The following VWA8 variants were observed in gnomAD, a reference collection of about 807,000 sequenced individuals.
VWA8 encodes von Willebrand factor A domain containing 8, also known as von Willebrand factor A domain-containing protein 8.
In VWA8, 221 loss-of-function variants were observed where a neutral mutation model predicts 241.5. That is an observed-to-expected ratio of 0.91 (90% CI 0.82 to 1.02). VWA8 has a LOEUF of 1.02. VWA8 is among the 50% of genes least tolerant of loss of function. The pLI is 0.00. For synonymous variants in VWA8, 852 were observed against 827.1 expected, an observed-to-expected ratio of 1.03 and a Z score of -0.52; for missense variants, 2,322 against 2,328.7, an observed-to-expected ratio of 1.00 and a Z score of 0.06.
In VWA8 at chr13:41,961,109, G is replaced by C; in HGVS notation, c.-94C>G. On this transcript the variant is annotated 5_prime_UTR_variant, in exon 1 of 45. Coordinates refer to ENST00000379310, the MANE Select transcript of VWA8 (RefSeq NM_015058.2). ...TGAGGCAGCGCGGAGAAGGGGACAG[G>C]AAGCGGCACCTAGCCGAGTCCGCCG... is the stretch of plus-strand genomic sequence containing the variant. The C allele has an allele frequency of 8.2e-7, 1 of 1,221,950 alleles. No individual in the cohort carries two copies. Among genetic ancestry groups the C allele is most frequent in the Non-Finnish European group, 1.1e-6 (1 of 943,558 alleles). 75.7% of individuals were successfully genotyped at this position (1,221,950 alleles called of 1,614,324 possible).
At chr13:41,750,674 C>T (rs963146233) in intron 21 of VWA8, among the ~76,000 whole-genome samples, 1 of 152,030 alleles carries the variant, frequency 6.6e-6, no homozygotes, top group Non-Finnish European at 1.5e-5. Context: ...AGAAACCAAG[C>T]CTGAAGATGC....
intron 4 of VWA8, 65 bp from the exon 5 acceptor site, chr13:41,891,652 C>T: frequency 6.5e-7 from 1 of 1,547,796 alleles, no homozygotes; most frequent in Middle Eastern, 1.7e-4. Context: ...CCTAACATTA[C>T]TTGTAATTCA....
chr13:41,575,849 G>C lies in VWA8; in HGVS notation c.5272-11C>G, dbSNP rs760650728. On this transcript the variant is annotated splice_polypyrimidine_tract_variant and intron_variant, in intron 42 of 44. Transcript: ENST00000379310. The stretch of plus-strand genomic sequence containing the variant: ...TCCAACGATGTCATACTACATGCAA[G>C]AGAACCAGAAAGTTATAAACTTTTC... 17 of 1,593,208 alleles carry C rather than the reference G, an allele frequency of 1.1e-5. No individual in the cohort carries two copies. The highest frequency in any genetic ancestry group is 1.7e-4 in the Middle Eastern group (1 of 6,030).
chr13:41,794,374 G>A (rs952803513), intron 17 of VWA8, among the ~76,000 whole-genome samples: 1 of 151,978 alleles, frequency 6.6e-6, no homozygotes, highest in Non-Finnish European at 1.5e-5. Context: ...GTATTCCTAG[G>A]TGTTTTGTTC....
chr13:41,935,760 G>A (rs1031439627), intron 2 of VWA8, among the ~76,000 whole-genome samples: 2 of 150,868 alleles, frequency 1.3e-5, no homozygotes, highest in Admixed American at 6.7e-5. Context: ...CAAATTGTTC[G>A]AGGTTTTTTT....
intron 12 of VWA8, among the ~76,000 whole-genome samples, chr13:41,864,207 A>G (rs1385644353): frequency 1.3e-5 from 2 of 152,068 alleles, no homozygotes; most frequent in Non-Finnish European, 2.9e-5. Context: ...ACCATTGTGC[A>G]TTGTTGGTGG....
chr13:41,711,803 G>C (rs2045319762), intron 26 of VWA8, among the ~76,000 whole-genome samples: 1 of 152,052 alleles, frequency 6.6e-6, no homozygotes, highest in Non-Finnish European at 1.5e-5. Flanking sequence ...GAACCTGGGA[G>C]GCGGAGCTTA....
intron 12 of VWA8, among the ~76,000 whole-genome samples, chr13:41,864,288 A>G (rs770317677): frequency 1.3e-5 from 2 of 152,184 alleles, no homozygotes; most frequent in Non-Finnish European, 2.9e-5. Context: ...CAGAATTACC[A>G]TATGATCCAA....
chr13:41,731,317 T>C (rs892946257), intron 22 of VWA8, among the ~76,000 whole-genome samples: 1 of 152,084 alleles, frequency 6.6e-6, no homozygotes, highest in African/African-American at 2.4e-5. Context: ...GTGTAGGAAG[T>C]TGAGGACTGG....
intron 29 of VWA8, among the ~76,000 whole-genome samples, chr13:41,693,817 A>T (rs762491236): frequency 6.6e-6 from 1 of 152,066 alleles, no homozygotes; most frequent in Non-Finnish European, 1.5e-5. Flanking sequence ...GTTAAAATAT[A>T]AAGAATTTTG....
rs532296102 is a variant in VWA8 at position 41,869,631 on chromosome 13, CAAAAAAAAAAAAAA to C, written c.1081-1168_1081-1155del. On this transcript the variant is annotated intron_variant, in intron 9 of 44. Transcript: ENST00000379310. ...GGGCAACAGAGCGAAAACTTTGTCT[CAAAAAAAAAAAAAA>C]AAAAAAAAAAAAAAAGGCTAGAACC... Among the ~76,000 whole-genome samples, 55 of 40,302 alleles carry C rather than the reference CAAAAAAAAAAAAAA, an allele frequency of 1.4e-3. 1 individual carries two copies. The highest frequency in any genetic ancestry group is 1.6e-3 in the Non-Finnish European group (39 of 24,010). The allele number at this position is 40,302 out of a possible 152,430, so 26.4% of individuals were successfully genotyped here.
chr13:41,772,442 AAAAAC>A (rs1401512167), intron 20 of VWA8, among the ~76,000 whole-genome samples: 1 of 126,300 alleles, frequency 7.9e-6, no homozygotes, highest in Non-Finnish European at 1.7e-5. Context: ...ACTGTGACAA[AAAAAC>A]AAAACAAAAC....
intron 37 of VWA8, among the ~76,000 whole-genome samples, chr13:41,620,432 A>G (rs1252798952): frequency 6.6e-6 from 1 of 152,024 alleles, no homozygotes; most frequent in Non-Finnish European, 1.5e-5. Context: ...TCCTGGATTC[A>G]TTGATTTTTT....
Position 41,844,796 on chromosome 13 carries a change from C to CAA in VWA8, c.1426-11267_1426-11266dup, listed in dbSNP as rs58119854. On this transcript the variant is annotated intron_variant, in intron 12 of 44. Transcript: ENST00000379310. ...ACACATTCCTATTTACAATAGCTGC[C>CAA]AAAAAAAAAAAGTTAAATAAAATAC... 8.2e-4 allele frequency among the ~76,000 whole-genome samples: 115 copies of CAA among 140,946 alleles called. 1 individual carries two copies. The highest frequency in any genetic ancestry group is 2.2e-3 in the African/African-American group (84 of 38,882). 92.5% of individuals were successfully genotyped at this position (140,946 alleles called of 152,430 possible).
At chr13:41,581,342 T>C (rs2044382353) in intron 42 of VWA8, among the ~76,000 whole-genome samples, 1 of 152,178 alleles carries the variant, frequency 6.6e-6, no homozygotes, top group Admixed American at 6.5e-5. Flanking sequence ...TGGCACCTTT[T>C]CCAGAAAGAA....
chr13:41,911,356 G>C (rs1379573353), intron 3 of VWA8, among the ~76,000 whole-genome samples: 1 of 152,150 alleles, frequency 6.6e-6, no homozygotes, highest in Non-Finnish European at 1.5e-5. Context: ...GAGCCACTGT[G>C]CCTGGTCAAG....
intron 40 of VWA8, among the ~76,000 whole-genome samples, chr13:41,596,835 C>A (rs1238680758): frequency 1.5e-5 from 2 of 135,576 alleles, no homozygotes; most frequent in Admixed American, 7.2e-5. Context: ...ACACACACAT[C>A]TGTAGCACTA....
intron 42 of VWA8, among the ~76,000 whole-genome samples, chr13:41,578,189 T>G (rs1175343822): frequency 6.6e-6 from 1 of 152,184 alleles, no homozygotes; most frequent in Non-Finnish European, 1.5e-5. Flanking sequence ...TTTTTCTTTC[T>G]CATCTCTTAT....
At chr13:41,602,483 G>C (rs1339996855) in intron 40 of VWA8, among the ~76,000 whole-genome samples, 1 of 152,054 alleles carries the variant, frequency 6.6e-6, no homozygotes, top group Non-Finnish European at 1.5e-5. Context: ...TATTTCACAG[G>C]ATTATGAGAA....
Sources: allele counts gnomAD v4.1 joint callset (sites outside exome capture counted in the v4.1 genomes callset), GRCh38; gene constraint gnomAD v4.1.1; transcripts MANE v1.5; gene names NCBI Gene and HGNC (gene_info 2026-07-23, HGNC 2026-07-21).